The following ZNF600 variants were observed in gnomAD, a reference collection of about 807,000 sequenced individuals.
ZNF600 encodes the protein zinc finger protein 600.
ZNF600 carries 4 observed loss-of-function variants against 7.3 expected under a neutral mutation model. The observed-to-expected ratio is 0.55, with a 90% CI of 0.27 to 1.25. The LOEUF is 1.25. Ranked by LOEUF, ZNF600 falls within the 50% of genes most tolerant of loss-of-function variation. The pLI is 0.12. For missense variants in ZNF600, 911 were observed against 922.1 expected (o/e 0.99, Z 0.16); for synonymous variants, 290 against 308.9 (o/e 0.94, Z 0.64).
the ZNF600 span, among the ~76,000 whole-genome samples, chr19:52,826,443 C>T: frequency 6.6e-6 from 1 of 151,562 alleles, no homozygotes; most frequent in Non-Finnish European, 1.5e-5. Context: ...TGGGCTGGCT[C>T]ACACCTGTAA....
the ZNF600 span, among the ~76,000 whole-genome samples, chr19:52,811,464 C>T: frequency 3.4e-5 from 5 of 148,390 alleles, no homozygotes; most frequent in Non-Finnish European, 7.4e-5. Flanking sequence ...TCTTCCCCGC[C>T]GCCATCCCAT....
the ZNF600 span, among the ~76,000 whole-genome samples, chr19:52,819,341 T>G: frequency 0.6 from 85,869 of 142,400 alleles, 29,889 homozygotes; most frequent in Non-Finnish European, 0.72. Context: ...ACAGACAAAG[T>G]CCTCCGAAGA....
At chr19:52,822,601 T>C in the ZNF600 span, among the ~76,000 whole-genome samples, 1 of 152,194 alleles carries the variant, frequency 6.6e-6, no homozygotes, top group African/African-American at 2.4e-5. Flanking sequence ...GTTAAGTACA[T>C]GTTTTCAAGA....
chr19:52,796,779 T>A, the ZNF600 span, among the ~76,000 whole-genome samples: 1 of 152,152 alleles, frequency 6.6e-6, no homozygotes, highest in African/African-American at 2.4e-5. Context: ...CATCGCAAAT[T>A]TGATATTTCT....
chr19:52,828,267 G>T, the ZNF600 span, among the ~76,000 whole-genome samples: 6 of 151,868 alleles, frequency 4.0e-5, no homozygotes, highest in African/African-American at 1.5e-4. Flanking sequence ...GGCCAGGCTG[G>T]TCTCGAACTC....
the ZNF600 span, chr19:52,799,204 G>C: frequency 2.6e-6 from 1 of 386,428 alleles, no homozygotes; most frequent in Non-Finnish European, 5.1e-6. Flanking sequence ...TCTCCAATAC[G>C]AATTGCCTTT....
At chr19:52,815,748 C>T in the ZNF600 span, among the ~76,000 whole-genome samples, 4 of 145,836 alleles carry the variant, frequency 2.7e-5, 1 homozygote, top group South Asian at 2.3e-4. Flanking sequence ...TGGTGTGAAC[C>T]CAGGAGGCGG....
At chr19:52,790,721 CT>C (rs1273566550), upstream of ZNF600, among the ~76,000 whole-genome samples, 3 of 121,394 alleles carry the variant, frequency 2.5e-5, no homozygotes, top group Admixed American at 1.1e-4. Flanking sequence ...GAGTCTTGCT[CT>C]GTTGCCCAGC....
the ZNF600 span, chr19:52,798,844 A>T: frequency 8.6e-7 from 1 of 1,157,576 alleles, no homozygotes; most frequent in African/African-American, 1.6e-5. Context: ...GACAATCATT[A>T]TATTAGTCAA....
chr19:52,766,382 C>G, exon 4 of ZNF600: 1 of 1,613,156 alleles, frequency 6.2e-7, no homozygotes, highest in South Asian at 1.1e-5. Flanking sequence ...TCTTATGTGT[C>G]TCAAGGGTTG....
chr19:52,767,054 T>C lies in ZNF600; in HGVS notation c.909A>G (p.Thr303=), dbSNP rs184830216. 6.9e-5 allele frequency: 112 copies of C among 1,614,152 alleles called. No individual in the cohort carries two copies. The Admixed American group carries it at 1.5e-3, about 22-fold the overall frequency. ...CTGCAGTGTGAAGTCTACGATGGCA[T>C]GTAAGGGATGATACCTGACTGAAGG... Residue 303 remains threonine (T), a synonymous_variant, in exon 4 of 4, where the codon ACA becomes ACG. Coordinates refer to ENST00000648973, the Ensembl canonical transcript of ZNF600.
At chr19:52,765,698 T>C (rs1364115489) in exon 4 of ZNF600, 3 of 1,613,930 alleles carry the variant, frequency 1.9e-6, no homozygotes, top group East Asian at 4.5e-5. Context: ...CAGTGTGAAG[T>C]CCAGTATGTT....
chr19:52,784,928 A>G (rs1399406946), intron 1 of ZNF600, among the ~76,000 whole-genome samples: 1 of 149,960 alleles, frequency 6.7e-6, no homozygotes, highest in Non-Finnish European at 1.5e-5. Flanking sequence ...AGATGGGGGG[A>G]GCCTCACTAT....
the ZNF600 span, among the ~76,000 whole-genome samples, chr19:52,822,118 G>A: frequency 1.7e-5 from 2 of 118,574 alleles, no homozygotes; most frequent in East Asian, 2.3e-4. Flanking sequence ...TGTCGCCCTG[G>A]CTGGAGTGCA....
chr19:52,767,015 C>A (rs776936329), exon 4 of ZNF600: 1 of 1,613,942 alleles, frequency 6.2e-7, no homozygotes, highest in Non-Finnish European at 8.5e-7. Context: ...ACTCATTACA[C>A]TTGTGAGATT....
At chr19:52,825,379 C>T in the ZNF600 span, among the ~76,000 whole-genome samples, 1 of 152,092 alleles carries the variant, frequency 6.6e-6, no homozygotes, top group African/African-American at 2.4e-5. Context: ...AATACCACAA[C>T]AAAACATTTA....
At chr19:52,781,595 T>C (rs2062722150) in intron 1 of ZNF600, 131 bp from the exon 2 acceptor site, 1 of 151,886 alleles carries the variant, frequency 6.6e-6, no homozygotes, top group South Asian at 2.1e-4. Flanking sequence ...ATAAACCCCA[T>C]CTCTACCAAA....
chr19:52,787,139 AC>A (rs1333189800), upstream of ZNF600, among the ~76,000 whole-genome samples: 3 of 152,164 alleles, frequency 2.0e-5, no homozygotes, highest in Non-Finnish European at 2.9e-5. Flanking sequence ...GGGAGGGTCC[AC>A]CCCGTGCTCA....
At chr19:52,793,759 C>T in the ZNF600 span, among the ~76,000 whole-genome samples, 2 of 138,406 alleles carry the variant, frequency 1.4e-5, no homozygotes, top group Admixed American at 1.6e-4. Context: ...AAGAGCCAAA[C>T]TCTGCCACAC....
Sources: gnomAD v4.1 joint callset for allele counts (sites outside exome capture counted in the v4.1 genomes callset) on GRCh38, gnomAD v4.1.1 for gene constraint, MANE v1.5 for transcripts, NCBI Gene and HGNC (gene_info 2026-07-23, HGNC 2026-07-21) for gene names.